Variants in VSTM4 observed in about 807,000 individuals in gnomAD.
The protein encoded by VSTM4 is V-set and transmembrane domain containing 4, also known as V-set and transmembrane domain-containing protein 4.
Under a neutral mutation model 36.4 loss-of-function variants are expected in VSTM4, and 20 were observed. The ratio of observed to expected loss-of-function variants is 0.55; its 90% confidence interval spans 0.39 to 0.80. The LOEUF is 0.80. Ranked by LOEUF, VSTM4 falls within the 30% of genes least tolerant of loss-of-function variation. The probability of loss-of-function intolerance (pLI) is 0.00; values close to 1 mark genes in which losing one functional copy is unlikely to be tolerated. For missense variants in VSTM4, 392 were observed against 404.5 expected (o/e 0.97, Z 0.26); for synonymous variants, 182 against 173.9 (o/e 1.05, Z -0.37).
Position 49,019,636 on chromosome 10 carries a change from A to G in VSTM4, c.*14T>C. The G allele has an allele frequency of 6.3e-7, 1 of 1,595,898 alleles. No homozygotes were observed. Among genetic ancestry groups the G allele is most frequent in the Non-Finnish European group, 8.5e-7 (1 of 1,170,802 alleles). On this transcript the variant is annotated 3_prime_UTR_variant, in exon 8 of 8. Coordinates refer to ENST00000332853, the MANE Select transcript of VSTM4 (RefSeq NM_001031746.5). ...TGGCAGGTATTAAATAGAACCTTGG[A>G]GGTGGACGCTGTACTACAGCTTGTT...
chr10:49,080,699 G>GA (rs1320463487), intron 3 of VSTM4, among the ~76,000 whole-genome samples: 2 of 152,212 alleles, frequency 1.3e-5, no homozygotes, highest in African/African-American at 4.8e-5. Context: ...AAGCCCAGAA[G>GA]AAAGCACTGT....
intron 7 of VSTM4, among the ~76,000 whole-genome samples, chr10:49,045,962 G>A (rs555571697): frequency 7.9e-5 from 12 of 152,214 alleles, no homozygotes; most frequent in South Asian, 2.1e-4. Context: ...TTTCCTCCCC[G>A]CTGTTCTCAT....
intron 5 of VSTM4, among the ~76,000 whole-genome samples, chr10:49,054,432 G>A (rs1843744449): frequency 6.6e-6 from 1 of 152,250 alleles, no homozygotes; most frequent in South Asian, 2.1e-4. Context: ...GTGGGGTCTT[G>A]GGGACTGAGG....
chr10:49,060,565 T>C (rs1175968388), intron 5 of VSTM4, among the ~76,000 whole-genome samples: 2 of 152,222 alleles, frequency 1.3e-5, no homozygotes, highest in Non-Finnish European at 2.9e-5. Context: ...CACCTCATTA[T>C]TGAGTTGTGA....
rs1422046724 is a variant in VSTM4, at chr10:49,108,012, G to C, written c.56-17C>G. The C allele has an allele frequency of 3.2e-6, 5 of 1,538,746 alleles. No homozygotes were observed. Among genetic ancestry groups the C allele is most frequent in the African/African-American group, 1.4e-5 (1 of 72,798 alleles). ...CACAGACCTCTGCAGAGAAAAAGGG[G>C]AGAAGAGAGGATGAGGAGGGCCCCA... On this transcript the variant is annotated splice_polypyrimidine_tract_variant and intron_variant, in intron 1 of 7. Transcript: ENST00000332853.
intron 7 of VSTM4, among the ~76,000 whole-genome samples, chr10:49,037,371 G>C (rs954531606): frequency 2.0e-5 from 3 of 152,242 alleles, no homozygotes; most frequent in Non-Finnish European, 4.4e-5. Context: ...CAGTAGGTCT[G>C]AGTCAGGGCC....
At chr10:49,083,674 C>T (rs1375967716) in intron 3 of VSTM4, among the ~76,000 whole-genome samples, 4 of 152,154 alleles carry the variant, frequency 2.6e-5, no homozygotes, top group South Asian at 2.1e-4. Flanking sequence ...AGAGTTAGGT[C>T]GGGAGTAACC....
intron 2 of VSTM4, among the ~76,000 whole-genome samples, chr10:49,091,820 G>A (rs186648013): frequency 2.6e-5 from 4 of 152,296 alleles, no homozygotes; most frequent in Admixed American, 1.3e-4. Context: ...TCCCACTGGC[G>A]CCCCTAATTC....
At chr10:49,114,586 T>TTTTG (rs1491276532) in intron 1 of VSTM4, among the ~76,000 whole-genome samples, 24 of 54,926 alleles carry the variant, frequency 4.4e-4, no homozygotes, top group Admixed American at 2.4e-3. Context: ...CAAGTTCATG[T>TTTTG]TTTTTTTTTT....
chr10:49,046,412 C>T (rs1843611595), intron 7 of VSTM4, among the ~76,000 whole-genome samples: 1 of 152,202 alleles, frequency 6.6e-6, no homozygotes, highest in Non-Finnish European at 1.5e-5. Flanking sequence ...GATTTGGATC[C>T]TGCACCAGAA....
intron 4 of VSTM4, among the ~76,000 whole-genome samples, chr10:49,075,565 A>G (rs958152222): frequency 6.6e-6 from 1 of 152,264 alleles, no homozygotes; most frequent in African/African-American, 2.4e-5. Context: ...GGGGTTGAGA[A>G]CAGGAAAAAG....
At chr10:49,051,809 G>T (rs1199835968) in intron 5 of VSTM4, among the ~76,000 whole-genome samples, 1 of 152,152 alleles carries the variant, frequency 6.6e-6, no homozygotes, top group Non-Finnish European at 1.5e-5. Context: ...TAGCAATTAT[G>T]AAAAAAGCTG....
intron 6 of VSTM4, among the ~76,000 whole-genome samples, chr10:49,047,413 C>G (rs1843629192): frequency 6.6e-6 from 1 of 152,142 alleles, no homozygotes; most frequent in Non-Finnish European, 1.5e-5. Flanking sequence ...TTGAACCTCA[C>G]AGCAGCCCTG....
chr10:49,045,060 C>G (rs1013002260), intron 7 of VSTM4, among the ~76,000 whole-genome samples: 2 of 152,158 alleles, frequency 1.3e-5, no homozygotes, highest in African/African-American at 4.8e-5. Flanking sequence ...TACTTGTCTG[C>G]CCTTGTATTA....
At chr10:49,086,410 C>A (rs989018998) in intron 2 of VSTM4, among the ~76,000 whole-genome samples, 1 of 152,208 alleles carries the variant, frequency 6.6e-6, no homozygotes, top group Non-Finnish European at 1.5e-5. Flanking sequence ...GATAGAGGAA[C>A]CTGAAGTCAT....
At chr10:49,033,977 C>A (rs1843386612) in intron 7 of VSTM4, among the ~76,000 whole-genome samples, 1 of 151,908 alleles carries the variant, frequency 6.6e-6, no homozygotes. Flanking sequence ...ACCATAATCA[C>A]CATCATCATC....
rs1564598912 is a variant in VSTM4, at chr10:49,107,753, GC to G, written c.297del (p.Arg100AlafsTer16). On this transcript the variant is annotated frameshift_variant, in exon 2 of 8. Transcript: ENST00000332853. LOFTEE classifies it high-confidence loss of function. ...GCCCCCCGCTGCTCCTCCAGCAGGC[GC>G]AGCCTCCGCCGTTTGGCGCTGCGGC... ...NFSRSAKRRR[L>X]RLLEEQRGAL... 1 of 1,614,228 alleles carries G rather than the reference GC, an allele frequency of 6.2e-7. No homozygotes were observed. Among genetic ancestry groups the G allele is most frequent in the South Asian group, 1.1e-5 (1 of 91,086 alleles).
intron 2 of VSTM4, among the ~76,000 whole-genome samples, chr10:49,093,982 C>T (rs12772732): frequency 0.096 from 14,578 of 152,050 alleles, 932 homozygotes; most frequent in South Asian, 0.21. Context: ...CTCCTGACCT[C>T]GCGATCCACC....
At chr10:49,070,483 C>T (rs1022500074) in intron 4 of VSTM4, among the ~76,000 whole-genome samples, 1 of 152,158 alleles carries the variant, frequency 6.6e-6, no homozygotes, top group Non-Finnish European at 1.5e-5. Flanking sequence ...AGGGCCTTCA[C>T]TTGTCTGAGC....
Sources: allele counts gnomAD v4.1 joint callset (sites outside exome capture counted in the v4.1 genomes callset), GRCh38; gene constraint gnomAD v4.1.1; transcripts MANE v1.5; gene names NCBI Gene and HGNC (gene_info 2026-07-23, HGNC 2026-07-21).